DNAH17: variants seen among roughly 807,000 people sequenced by gnomAD.
DNAH17 encodes the protein dynein axonemal heavy chain 17.
A neutral mutation model predicts 485.6 loss-of-function variants in DNAH17; 376 were observed. The ratio of observed to expected loss-of-function variants is 0.77; its 90% CI spans 0.71 to 0.84. DNAH17 has a LOEUF of 0.84. Ranked by LOEUF, DNAH17 falls within the 40% of genes least tolerant of loss-of-function variation. The pLI, the probability that DNAH17 is intolerant of heterozygous loss-of-function variation, is 0.00. For missense variants in DNAH17, 6,370 were observed against 5,839.3 expected (o/e 1.09, Z -2.96); for synonymous variants, 3,031 against 2,405.9 (o/e 1.26, Z -7.60).
intron 75 of DNAH17, among the ~76,000 whole-genome samples, chr17:78,431,968 T>C (rs2086691113): frequency 6.6e-6 from 1 of 151,810 alleles, no homozygotes; most frequent in Non-Finnish European, 1.5e-5. Context: ...GCCCAGGAGT[T>C]TGAGACCAGC....
intron 65 of DNAH17, among the ~76,000 whole-genome samples, chr17:78,453,022 T>C (rs972307440): frequency 6.6e-6 from 1 of 152,228 alleles, no homozygotes; most frequent in African/African-American, 2.4e-5. Context: ...GTTATGTGAA[T>C]TTTTAAAGGT....
rs779472486 is a variant in DNAH17 at position 78,434,074 on chromosome 17, G to A, written c.12180C>T (p.Thr4060=). 6.2e-6 allele frequency: 10 copies of A among 1,613,264 alleles called. No homozygotes were observed. In the East Asian group the frequency reaches 1.8e-4, roughly 29 times the overall value. The change falls in exon 75 of 81, where the codon ACC becomes ACT. Residue 4060 remains threonine, a synonymous_variant. Transcript: ENST00000389840. The part of the protein sequence containing the change: ...RSYPFNNGDL[T]ISINVLYNYL... ...AGTTGTAGAGCACGTTGATGGAGAT[G>A]GTGAGGTCCCCGTTGTTGAAGGGGT...
chr17:78,463,243 GC>G (rs1396871818), intron 56 of DNAH17, among the ~76,000 whole-genome samples, 166 bp from the exon 57 acceptor site: 1 of 152,174 alleles, frequency 6.6e-6, no homozygotes, highest in Non-Finnish European at 1.5e-5. Context: ...AGATCCTGGG[GC>G]CCTTGTGAGC....
chr17:78,570,192 G>GAGGGGACCCAGCCAGGAGGGGAGGA lies in DNAH17; in HGVS notation c.1044+30_1044+54dup, dbSNP rs2092330956. 3 of 1,522,422 alleles carry GAGGGGACCCAGCCAGGAGGGGAGGA rather than the reference G, an allele frequency of 2.0e-6. No individual in the cohort carries two copies. In the South Asian group the frequency reaches 3.8e-5, roughly 19 times the overall value. The allele number at this position is 1,522,422 out of a possible 1,614,324, so 94.3% of individuals were successfully genotyped here. A position where few individuals can be genotyped will look rare whatever the true frequency, so the allele number is the denominator to read the frequency against. On this transcript the variant is annotated intron_variant, in intron 7 of 80. Coordinates refer to ENST00000389840, the MANE Select transcript of DNAH17 (RefSeq NM_173628.4). ...GGCAGCAGGAAAACAGTGAACCGGG[G>GAGGGGACCCAGCCAGGAGGGGAGGA]AGGGGACCCAGCCAGGAGGGGAGGA...
intron 48 of DNAH17, among the ~76,000 whole-genome samples, chr17:78,481,197 G>C (rs534221859): frequency 6.6e-6 from 1 of 151,160 alleles, no homozygotes; most frequent in Non-Finnish European, 1.5e-5. Context: ...CCGCCTCCTG[G>C]GTTCGCCCCA....
chr17:78,577,114 G>A (rs1287198497), intron 1 of DNAH17, among the ~76,000 whole-genome samples, 181 bp downstream of exon 1: 1 of 152,152 alleles, frequency 6.6e-6, no homozygotes, highest in Non-Finnish European at 1.5e-5. Flanking sequence ...GCTGGTACGT[G>A]GCAGCCAGCC....
chr17:78,561,170 C>A (rs960299466), intron 12 of DNAH17, among the ~76,000 whole-genome samples: 1 of 152,166 alleles, frequency 6.6e-6, no homozygotes, highest in African/African-American at 2.4e-5. Flanking sequence ...CACGCAGCAA[C>A]TGGCTCCCGA....
chr17:78,498,554 T>TCGC (rs1356298601), intron 37 of DNAH17, among the ~76,000 whole-genome samples: 2 of 152,140 alleles, frequency 1.3e-5, no homozygotes, highest in Non-Finnish European at 2.9e-5. Context: ...TGCACCCAGG[T>TCGC]CGCCCCAGCC....
At chr17:78,473,875 G>C (rs1008643229) in intron 54 of DNAH17, among the ~76,000 whole-genome samples, 2 of 152,086 alleles carry the variant, frequency 1.3e-5, no homozygotes, top group African/African-American at 4.8e-5. Flanking sequence ...AGTGGCCGCA[G>C]ATACCAATGT....
At chr17:78,560,391 C>T (rs926982409) in intron 13 of DNAH17, among the ~76,000 whole-genome samples, 2 of 152,114 alleles carry the variant, frequency 1.3e-5, no homozygotes, top group African/African-American at 4.8e-5. Flanking sequence ...CCATAGAACC[C>T]ACATCCCAGA....
At chr17:78,564,308 T>C (rs2092222875) in intron 11 of DNAH17, among the ~76,000 whole-genome samples, 1 of 152,154 alleles carries the variant, frequency 6.6e-6, no homozygotes, top group Non-Finnish European at 1.5e-5. Context: ...ATCTCCATGT[T>C]GGGGACAGCA....
chr17:78,441,965 T>A (rs1440665397), intron 71 of DNAH17, among the ~76,000 whole-genome samples: 3 of 151,876 alleles, frequency 2.0e-5, no homozygotes, highest in African/African-American at 7.3e-5. Flanking sequence ...GGCCTGTAAT[T>A]CCAGCCACTT....
At chr17:78,529,254 C>T (rs561207960) in intron 22 of DNAH17, among the ~76,000 whole-genome samples, 78 of 152,188 alleles carry the variant, frequency 5.1e-4, no homozygotes, top group Non-Finnish European at 9.9e-4. Flanking sequence ...ACCAATGGAA[C>T]GGAGGGAGCA....
intron 35 of DNAH17, 106 bp downstream of exon 35, chr17:78,501,078 C>G (rs1683475890): frequency 3.0e-6 from 4 of 1,334,598 alleles, no homozygotes; most frequent in East Asian, 2.4e-5. Flanking sequence ...CGCAAATGCC[C>G]AGTCCTTCCA....
At chr17:78,558,732 T>C (rs1430545453) in intron 13 of DNAH17, among the ~76,000 whole-genome samples, 1 of 152,230 alleles carries the variant, frequency 6.6e-6, no homozygotes, top group Non-Finnish European at 1.5e-5. Flanking sequence ...ACTTCGGGTC[T>C]TCACTTGTTT....
At chr17:78,451,326 C>T (rs916690403) in intron 66 of DNAH17, 143 bp downstream of exon 66, 4 of 680,120 alleles carry the variant, frequency 5.9e-6, no homozygotes, top group African/African-American at 3.7e-5. Context: ...AGCTGTGATG[C>T]CGTGGGACAC....
At chr17:78,482,770 G>C (rs751268073) in intron 48 of DNAH17, among the ~76,000 whole-genome samples, 1 of 152,106 alleles carries the variant, frequency 6.6e-6, no homozygotes, top group Non-Finnish European at 1.5e-5. Flanking sequence ...TGTTGTCGTG[G>C]GGCCATGTTA....
Position 78,423,849 on chromosome 17 carries a change from T to A in DNAH17, c.*57A>T, listed in dbSNP as rs1158940834. On this transcript the variant is annotated 3_prime_UTR_variant, in exon 81 of 81. Transcript: ENST00000389840. ...AAAGAATAAGTCACAGGTGCACAGG[T>A]GAAGGGCTGAGTTGTGGTCCAGCCC... 3 of 1,598,380 alleles carry A rather than the reference T, an allele frequency of 1.9e-6. No homozygotes were observed. Among genetic ancestry groups the A allele is most frequent in the Non-Finnish European group, 2.6e-6 (3 of 1,169,514 alleles).
rs761270593 is a variant in DNAH17, at chr17:78,428,671, CAG to C, written c.12440_12441del (p.Pro4147ArgfsTer69). 43 of 1,613,876 alleles carry C rather than the reference CAG, an allele frequency of 2.7e-5. No homozygotes were observed. Among genetic ancestry groups the C allele is most frequent in the African/African-American group, 6.7e-5 (5 of 74,906 alleles). On this transcript the variant is annotated frameshift_variant, in exon 77 of 81. Coordinates refer to ENST00000389840, the MANE Select transcript of DNAH17 (RefSeq NM_173628.4). LOFTEE classifies it high-confidence loss of function. Reference sequence around the variant, plus strand: ...TGCAGGCCATACAGATAGGGACTCTCAGGGGGCAGGTTCTCATCGATGTATTC... The same window carrying C: ...TGCAGGCCATACAGATAGGGACTCTCGGGGCAGGTTCTCATCGATGTATTC... The part of the protein sequence containing the change: ...YHEYIDENLP[P>X]ESPYLYGLHP...
Sources: allele counts gnomAD v4.1 joint callset (sites outside exome capture counted in the v4.1 genomes callset), GRCh38; gene constraint gnomAD v4.1.1; transcripts MANE v1.5; gene names NCBI Gene and HGNC (gene_info 2026-07-23, HGNC 2026-07-21).